EBF2: variants seen among roughly 807,000 people sequenced by gnomAD.
The protein encoded by EBF2 is EBF transcription factor 2.
A neutral mutation model predicts 72.8 loss-of-function variants in EBF2; 21 were observed. The ratio of observed to expected loss-of-function variants is 0.29; its 90% CI spans 0.20 to 0.42. The LOEUF is 0.42. Among genes scored for constraint, EBF2 ranks in the 10% least tolerant of loss-of-function variants. EBF2 has a pLI of 1.00. For synonymous variants in EBF2, 299 were observed against 274.2 expected (o/e 1.09, Z -0.89); for missense variants, 637 against 731.2 (o/e 0.87, Z 1.49).
chr8:25,970,977 C>A (rs1804180934), intron 6 of EBF2, among the ~76,000 whole-genome samples: 1 of 152,162 alleles, frequency 6.6e-6, no homozygotes, highest in Middle Eastern at 3.2e-3. Flanking sequence ...AGACTACAGG[C>A]ACATGCCACC....
chr8:25,911,185 T>G (rs1789831389), intron 6 of EBF2, among the ~76,000 whole-genome samples: 1 of 152,180 alleles, frequency 6.6e-6, no homozygotes, highest in African/African-American at 2.4e-5. Context: ...AAGCCAGAGC[T>G]GCCTGGAAAA....
At chr8:25,987,199 A>G (rs936695618) in intron 6 of EBF2, among the ~76,000 whole-genome samples, 1 of 152,254 alleles carries the variant, frequency 6.6e-6, no homozygotes, top group Admixed American at 6.5e-5. Flanking sequence ...TTAGTTTTAT[A>G]TGACTTGGAT....
intron 2 of EBF2, chr8:26,041,573 G>C (rs1585238702): frequency 6.2e-6 from 1 of 162,188 alleles, no homozygotes; most frequent in Non-Finnish European, 1.3e-5. Flanking sequence ...CATAGGTTTC[G>C]GCGGACTGTC....
intron 7 of EBF2, among the ~76,000 whole-genome samples, chr8:25,901,521 G>A (rs968557437): frequency 2.6e-5 from 4 of 151,506 alleles, no homozygotes; most frequent in African/African-American, 9.7e-5. Context: ...TAATATACAC[G>A]CTTGTGCTGC....
chr8:25,928,021 A>T (rs1267853151), intron 6 of EBF2, among the ~76,000 whole-genome samples: 1 of 152,194 alleles, frequency 6.6e-6, no homozygotes, highest in East Asian at 1.9e-4. Flanking sequence ...TCAGATAAGG[A>T]ACACGGCTTG....
chr8:26,000,356 C>T (rs987969902), intron 6 of EBF2, among the ~76,000 whole-genome samples: 4 of 152,072 alleles, frequency 2.6e-5, no homozygotes, highest in African/African-American at 9.7e-5. Context: ...ATTTTGGGTC[C>T]AGTGGTAAGT....
chr8:25,945,635 G>A (rs1803756892), intron 6 of EBF2, among the ~76,000 whole-genome samples: 1 of 151,242 alleles, frequency 6.6e-6, no homozygotes, highest in Admixed American at 6.6e-5. Flanking sequence ...GGTTTCGGGG[G>A]TACAATGAGA....
intron 10 of EBF2, among the ~76,000 whole-genome samples, chr8:25,884,988 T>C (rs1350304528): frequency 1.3e-5 from 2 of 152,182 alleles, no homozygotes; most frequent in Non-Finnish European, 2.9e-5. Flanking sequence ...TATATTTTCT[T>C]GGTTTATATA....
chr8:26,005,973 T>C (rs1804875434), intron 6 of EBF2, among the ~76,000 whole-genome samples: 1 of 152,026 alleles, frequency 6.6e-6, no homozygotes, highest in East Asian at 1.9e-4. Flanking sequence ...CATGTCTCCA[T>C]TGGAACTCTG....
intron 6 of EBF2, among the ~76,000 whole-genome samples, chr8:25,918,805 C>T (rs1323754484): frequency 6.6e-6 from 1 of 152,176 alleles, no homozygotes; most frequent in East Asian, 1.9e-4. Flanking sequence ...CTCCCTTTGT[C>T]TCCTTGTATA....
intron 7 of EBF2, among the ~76,000 whole-genome samples, chr8:25,900,589 AT>A (rs773053778): frequency 2.0e-5 from 3 of 152,162 alleles, no homozygotes; most frequent in Non-Finnish European, 4.4e-5. Flanking sequence ...ATTAAAAATG[AT>A]TATTCTGGTG....
At chr8:25,852,816 G>A (rs570174429) in intron 14 of EBF2, among the ~76,000 whole-genome samples, 2 of 152,166 alleles carry the variant, frequency 1.3e-5, no homozygotes, top group African/African-American at 2.4e-5. Context: ...TGTGCATTTC[G>A]GCAAACACAA....
At chr8:25,947,019 T>C (rs548384146) in intron 6 of EBF2, among the ~76,000 whole-genome samples, 20 of 152,320 alleles carry the variant, frequency 1.3e-4, no homozygotes, top group Non-Finnish European at 2.8e-4. Context: ...CACACAGCTC[T>C]TCTTGCCTGA....
intron 6 of EBF2, among the ~76,000 whole-genome samples, chr8:26,024,954 T>C (rs1805276656): frequency 6.6e-6 from 1 of 152,080 alleles, no homozygotes; most frequent in Non-Finnish European, 1.5e-5. Context: ...AAGCACGAAA[T>C]AGGTAAAATA....
chr8:25,887,001 T>A, intron 9 of EBF2, 120 bp from the exon 10 acceptor site: 1 of 1,050,742 alleles, frequency 9.5e-7, no homozygotes, highest in Non-Finnish European at 1.3e-6. Context: ...TGCTCTACTC[T>A]AACTGGAGTA....
chr8:25,959,095 T>G (rs891610576), intron 6 of EBF2, among the ~76,000 whole-genome samples: 2 of 152,184 alleles, frequency 1.3e-5, no homozygotes, highest in Non-Finnish European at 2.9e-5. Context: ...AGTGGAGGAA[T>G]GGCCATTCCA....
At chr8:26,040,140 AGGGGT>A in intron 4 of EBF2, 39 bp from the exon 5 acceptor site, 1 of 1,576,756 alleles carries the variant, frequency 6.3e-7, no homozygotes, top group Non-Finnish European at 8.7e-7. Flanking sequence ...AGATGTGGAG[AGGGGT>A]GGGGGGCAAG....
At position 25,990,495 on chromosome 8, in the gene EBF2, C is replaced by T. The variant is rs932969217; in HGVS notation, c.551+42590G>A. On this transcript the variant is annotated intron_variant, in intron 6 of 15. Transcript: ENST00000520164. The stretch of plus-strand genomic sequence containing the variant: ...AAGCACTCATGTTCAGATTCTACAA[C>T]TGTGCTGTAAGAAAACAGCCTGTCT... Among the ~76,000 whole-genome samples, 86 of 152,188 alleles carry T rather than the reference C, an allele frequency of 5.7e-4. 1 individual carries two copies. The highest frequency in any genetic ancestry group is 2.0e-3 in the African/African-American group (82 of 41,446).
At chr8:25,980,203 C>T (rs1316452551) in intron 6 of EBF2, among the ~76,000 whole-genome samples, 1 of 152,088 alleles carries the variant, frequency 6.6e-6, no homozygotes, top group African/African-American at 2.4e-5. Flanking sequence ...CCAGAGTGAA[C>T]CTTATTTGTT....
Sources: allele counts gnomAD v4.1 joint callset (sites outside exome capture counted in the v4.1 genomes callset), GRCh38; gene constraint gnomAD v4.1.1; transcripts MANE v1.5; gene names NCBI Gene and HGNC (gene_info 2026-07-23, HGNC 2026-07-21).